XCR1: variants seen among roughly 807,000 people sequenced by gnomAD.
The protein encoded by XCR1 is X-C motif chemokine receptor 1, also known as chemokine XC receptor 1.
For missense variants in XCR1, 356 were observed against 424.2 expected (o/e 0.84, Z 1.41); for synonymous variants, 187 against 188.5 (o/e 0.99, Z 0.06).
intron 5 of XCR1, among the ~76,000 whole-genome samples, chr3:46,033,724 G>T (rs1256237799): frequency 1.3e-5 from 2 of 152,020 alleles, no homozygotes; most frequent in African/African-American, 4.8e-5. Flanking sequence ...GTTTTGATTG[G>T]GATTGCATTA....
upstream of XCR1, among the ~76,000 whole-genome samples, chr3:46,028,690 A>G (rs969687809): frequency 6.6e-6 from 1 of 151,816 alleles, no homozygotes. Flanking sequence ...CTGGAGCTCA[A>G]GAGATACTCT....
At chr3:46,054,470 C>T (rs1004164056) in intron 4 of XCR1, among the ~76,000 whole-genome samples, 3 of 151,644 alleles carry the variant, frequency 2.0e-5, no homozygotes, top group African/African-American at 7.3e-5. Flanking sequence ...GTTCGGCTCC[C>T]TGCAAAGTGG....
chr3:46,018,865 T>A lies in XCR1; in HGVS notation c.*2081A>T, dbSNP rs1438055309. On this transcript the variant is annotated 3_prime_UTR_variant, in exon 2 of 2. Coordinates refer to ENST00000309285, the MANE Select transcript of XCR1 (RefSeq NM_001024644.2). ...GTGCAAATCCCTGCTCAAGGGACTG[T>A]AGAAGACTCTGGACTCCTCATTTTT... 2 of 152,220 alleles carry A rather than the reference T, an allele frequency of 1.3e-5. No individual in the cohort carries two copies. The highest frequency in any genetic ancestry group is 2.9e-5 in the Non-Finnish European group (2 of 68,040). The allele number at this position is 152,220 out of a possible 1,614,324, so 9.4% of individuals were successfully genotyped here.
chr3:46,030,583 C>G (rs920933387), upstream of XCR1, among the ~76,000 whole-genome samples: 2 of 152,204 alleles, frequency 1.3e-5, no homozygotes, highest in African/African-American at 4.8e-5. Context: ...TTTGTTTACA[C>G]ATAGTTTTGA....
chr3:46,047,164 G>A (rs1697650697), intron 5 of XCR1, among the ~76,000 whole-genome samples: 1 of 152,182 alleles, frequency 6.6e-6, no homozygotes, highest in Non-Finnish European at 1.5e-5. Context: ...ATAGAATTAT[G>A]CAAAGCTACA....
At chr3:46,047,058 GCCACTT>G (rs1156574273) in intron 5 of XCR1, among the ~76,000 whole-genome samples, 3 of 118,532 alleles carry the variant, frequency 2.5e-5, no homozygotes, top group African/African-American at 9.2e-5. Flanking sequence ...TTTCAACATT[GCCACTT>G]CAGTTTGTAA....
At chr3:46,027,376 A>C (rs1708317072) in intron 1 of XCR1, 41 bp downstream of exon 1, 1 of 152,250 alleles carries the variant, frequency 6.6e-6, no homozygotes, top group Non-Finnish European at 1.5e-5. Context: ...TGTTACAATT[A>C]GAGGAAAACA....
At chr3:46,066,974 T>C (rs967830075) in exon 4 of XCR1, among the ~76,000 whole-genome samples, 2 of 145,230 alleles carry the variant, frequency 1.4e-5, no homozygotes, top group African/African-American at 5.2e-5. Flanking sequence ...GAGGAAGCCA[T>C]ATACCTGCAG....
chr3:46,049,077 C>A (rs972826763), intron 5 of XCR1, among the ~76,000 whole-genome samples: 2 of 152,166 alleles, frequency 1.3e-5, no homozygotes, highest in Admixed American at 6.5e-5. Flanking sequence ...TGTACATGAC[C>A]AGCTGTCTCA....
intron 4 of XCR1, among the ~76,000 whole-genome samples, chr3:46,056,913 G>C (rs186850829): frequency 2.6e-5 from 4 of 152,234 alleles, no homozygotes; most frequent in Admixed American, 2.6e-4. Flanking sequence ...ACAAAAGACC[G>C]TAGCAGCTTT....
At chr3:46,051,316 A>C (rs1697739215) in intron 5 of XCR1, among the ~76,000 whole-genome samples, 1 of 152,212 alleles carries the variant, frequency 6.6e-6, no homozygotes, top group Admixed American at 6.5e-5. Flanking sequence ...TTGACCCCAT[A>C]AATTGATAGC....
At chr3:46,052,493 T>G (rs1346930437) in intron 5 of XCR1, among the ~76,000 whole-genome samples, 1 of 152,220 alleles carries the variant, frequency 6.6e-6, no homozygotes, top group Non-Finnish European at 1.5e-5. Flanking sequence ...CACTGCATTG[T>G]AAGATCCTTT....
chr3:46,054,524 A>G (rs1230643133), intron 4 of XCR1, among the ~76,000 whole-genome samples: 1 of 150,776 alleles, frequency 6.6e-6, no homozygotes, highest in Admixed American at 6.6e-5. Context: ...GTGGAATGGT[A>G]GACAATGGAC....
intron 1 of XCR1, among the ~76,000 whole-genome samples, chr3:46,077,844 G>A (rs536903872): frequency 4.6e-5 from 7 of 152,116 alleles, no homozygotes; most frequent in Admixed American, 2.0e-4. Flanking sequence ...ACCAAATACC[G>A]CACGTTCTCA....
intron 5 of XCR1, among the ~76,000 whole-genome samples, chr3:46,040,232 C>T (rs1697516013): frequency 6.6e-6 from 1 of 152,048 alleles, no homozygotes. Flanking sequence ...AAAGAGTAAA[C>T]ATTTTATATT....
chr3:46,040,019 T>G (rs1697510221), intron 5 of XCR1, among the ~76,000 whole-genome samples: 1 of 152,230 alleles, frequency 6.6e-6, no homozygotes, highest in Non-Finnish European at 1.5e-5. Context: ...TAAAGTTAGC[T>G]TTAACGTTAA....
chr3:46,033,770 A>C (rs1396949562), intron 5 of XCR1, among the ~76,000 whole-genome samples: 1 of 152,206 alleles, frequency 6.6e-6, no homozygotes, highest in Non-Finnish European at 1.5e-5. Flanking sequence ...CCATCTTGAC[A>C]ATATTGAGTC....
At chr3:46,035,501 C>T (rs1697410024) in intron 5 of XCR1, among the ~76,000 whole-genome samples, 1 of 152,184 alleles carries the variant, frequency 6.6e-6, no homozygotes, top group South Asian at 2.1e-4. Flanking sequence ...CAACGTGTTG[C>T]CACAGTTGCT....
At chr3:46,073,865 A>G (rs574150735) in intron 3 of XCR1, among the ~76,000 whole-genome samples, 105 of 152,268 alleles carry the variant, frequency 6.9e-4, no homozygotes, top group Non-Finnish European at 1.2e-3. Context: ...GCAGATGAAA[A>G]CCAGAACATG....
Sources: gnomAD v4.1 joint callset for allele counts (sites outside exome capture counted in the v4.1 genomes callset) on GRCh38, gnomAD v4.1.1 for gene constraint, MANE v1.5 for transcripts, NCBI Gene and HGNC (gene_info 2026-07-23, HGNC 2026-07-21) for gene names.